The following SCN10A variants were observed in gnomAD, a reference collection of about 807,000 sequenced individuals.
SCN10A encodes the protein sodium voltage-gated channel alpha subunit 10.
Under a neutral mutation model 170.7 loss-of-function variants are expected in SCN10A, and 162 were observed. That is an observed-to-expected ratio of 0.95 (90% CI 0.84 to 1.08). The LOEUF (loss-of-function observed/expected upper bound fraction) is 1.08, where lower values mean the gene tolerates loss of function less well. Ranked by LOEUF, SCN10A falls within the 50% of genes least tolerant of loss-of-function variation. SCN10A has a pLI of 0.00. For synonymous variants in SCN10A, 985 were observed against 904.6 expected (o/e 1.09, Z -1.59); for missense variants, 2,527 against 2,436.9 (o/e 1.04, Z -0.78).
At chr3:38,769,173 C>CT (rs1277744109) in intron 5 of SCN10A, among the ~76,000 whole-genome samples, 5 of 148,370 alleles carry the variant, frequency 3.4e-5, no homozygotes, top group Admixed American at 3.4e-4. Context: ...TTAAAAATTT[C>CT]TTTAAGTTGG....
chr3:38,761,094 A>G (rs1269529801), intron 7 of SCN10A, 98 bp downstream of exon 7: 5 of 988,162 alleles, frequency 5.1e-6, no homozygotes, highest in African/African-American at 1.6e-5. Context: ...GTCAAAATAT[A>G]TGTCTATACA....
chr3:38,761,173 T>A lies in SCN10A; in HGVS notation c.883+19A>T, dbSNP rs1559450081. On this transcript the variant is annotated intron_variant, in intron 7 of 27. Transcript: ENST00000449082. Reference sequence around the variant, plus strand: ...GGGTCCAACCAGACCTTGGTCCCTATGGAAGAGACTCCACTCACGTTTTCT... The same window carrying A: ...GGGTCCAACCAGACCTTGGTCCCTAAGGAAGAGACTCCACTCACGTTTTCT... 6.3e-7 allele frequency: 1 copy of A among 1,594,280 alleles called. No homozygotes were observed. Among genetic ancestry groups the A allele is most frequent in the South Asian group, 1.1e-5 (1 of 87,048 alleles).
intron 26 of SCN10A, among the ~76,000 whole-genome samples, chr3:38,706,175 T>A (rs765030749): frequency 6.6e-6 from 1 of 152,234 alleles, no homozygotes; most frequent in Non-Finnish European, 1.5e-5. Context: ...TCAAAAGTCA[T>A]CACTTTTTTC....
At chr3:38,746,373 T>C (rs1212497249) in intron 13 of SCN10A, among the ~76,000 whole-genome samples, 1 of 151,936 alleles carries the variant, frequency 6.6e-6, no homozygotes, top group Non-Finnish European at 1.5e-5. Context: ...TCTCATATCC[T>C]TCCATTTCCC....
At chr3:38,799,206 G>A (rs184404467) in intron 1 of SCN10A, among the ~76,000 whole-genome samples, 5 of 152,242 alleles carry the variant, frequency 3.3e-5, no homozygotes, top group Non-Finnish European at 5.9e-5. Flanking sequence ...GAACAGATTA[G>A]CTATAGGGCC....
rs75498327 is a variant in SCN10A at position 38,716,891 on chromosome 3, T to C, written c.3681+1762A>G. ...GTTGATAGGATGGATGAATGGATGA[T>C]GAATGGAAGGGAAAGGGATGAATGA... On this transcript the variant is annotated intron_variant, in intron 21 of 27. Coordinates refer to ENST00000449082, the MANE Select transcript of SCN10A (RefSeq NM_006514.4). Among the ~76,000 whole-genome samples the C allele has an allele frequency of 2.3e-3, 350 of 151,824 alleles. 12 individuals carry two copies. The East Asian group carries it at 0.058, about 25-fold the overall frequency.
Position 38,714,138 on chromosome 3 carries a change from G to A in SCN10A, c.3682-58C>T, listed in dbSNP as rs1053397337. 1.9e-6 allele frequency: 3 copies of A among 1,600,542 alleles called. No individual in the cohort carries two copies. In the East Asian group the frequency reaches 6.7e-5, roughly 36 times the overall value. On this transcript the variant is annotated intron_variant, in intron 21 of 27. Coordinates refer to ENST00000449082, the MANE Select transcript of SCN10A (RefSeq NM_006514.4). ...AGGTTTCCAGAAAGGCAGTCCTCGT[G>A]GAAGGAGACAGGAACTCCCTGCCCA... is the stretch of plus-strand genomic sequence containing the variant.
intron 22 of SCN10A, 83 bp downstream of exon 22, chr3:38,713,875 G>A (rs1250021949): frequency 1.6e-5 from 25 of 1,552,722 alleles, no homozygotes; most frequent in East Asian, 9.1e-5. Flanking sequence ...TGATCCGCCC[G>A]CCTCAGCCTC....
At position 38,739,604 on chromosome 3, in the gene SCN10A, T is replaced by A; in HGVS notation, c.2191A>T (p.Ile731Phe). 6.2e-7 allele frequency: 1 copy of A among 1,614,110 alleles called. No homozygotes were observed. The change falls in exon 15 of 28, where the codon ATC becomes TTC. Residue 731 changes from isoleucine to phenylalanine, a missense_variant. By Grantham distance (21) the Ile-to-Phe change is conservative. Coordinates refer to ENST00000449082, the MANE Select transcript of SCN10A (RefSeq NM_006514.4). ...ACAGTGACGATGATGCAGTCAAAGA[T>A]ATTCCACTTCTTCTGGAAATAATAG... ...PYYYFQKKWNIFDCIIVTVSL... is the reference protein window; with the variant it reads ...PYYYFQKKWNFFDCIIVTVSL...
At chr3:38,733,663 G>A (rs901447947) in intron 15 of SCN10A, among the ~76,000 whole-genome samples, 3 of 151,954 alleles carry the variant, frequency 2.0e-5, no homozygotes, top group Non-Finnish European at 2.9e-5. Context: ...CTACAGACAC[G>A]TGCCATCATG....
chr3:38,784,660 G>C (rs937238189), intron 4 of SCN10A, among the ~76,000 whole-genome samples: 1 of 151,972 alleles, frequency 6.6e-6, no homozygotes, highest in African/African-American at 2.4e-5. Context: ...AGAAATAAGG[G>C]GTATTCAAAT....
chr3:38,781,484 G>A (rs917308088), intron 4 of SCN10A, among the ~76,000 whole-genome samples: 1 of 152,116 alleles, frequency 6.6e-6, no homozygotes, highest in Admixed American at 6.5e-5. Context: ...TACTTCAAAA[G>A]TTGAATGAAT....
chr3:38,741,641 C>T (rs2063633649), intron 14 of SCN10A, among the ~76,000 whole-genome samples: 1 of 152,108 alleles, frequency 6.6e-6, no homozygotes, highest in Admixed American at 6.5e-5. Flanking sequence ...TAGTGAAATC[C>T]AGTATGGATT....
intron 13 of SCN10A, among the ~76,000 whole-genome samples, chr3:38,746,594 C>T (rs929298936): frequency 7.2e-5 from 11 of 152,290 alleles, no homozygotes; most frequent in Non-Finnish European, 1.5e-4. Flanking sequence ...TTAATGCAGT[C>T]TAGGAGTTTC....
At position 38,714,029 on chromosome 3, in the gene SCN10A, G is replaced by C; in HGVS notation, c.3733C>G (p.Pro1245Ala). The part of the protein sequence containing the change: ...AKILEYSEVA[P>A]IKALRTLRAL... ...CGAAGGGTTCGAAGGGCTTTGATGG[G>C]AGCCACTTCAGAATATTCCAGAATC... is the stretch of plus-strand genomic sequence containing the variant. The change falls in exon 22 of 28, where the codon CCC (proline) becomes GCC (alanine). Residue 1245 changes from proline (P) to alanine (A), a missense_variant. Physicochemically the swap from Pro to Ala is conservative, Grantham distance 27 (BLOSUM62 -1). Transcript: ENST00000449082. The C allele has an allele frequency of 6.2e-7, 1 of 1,614,180 alleles. No homozygotes were observed. The highest frequency in any genetic ancestry group is 8.5e-7 in the Non-Finnish European group (1 of 1,180,034).
At chr3:38,729,270 A>G (rs1483928276) in intron 15 of SCN10A, among the ~76,000 whole-genome samples, 1 of 152,160 alleles carries the variant, frequency 6.6e-6, no homozygotes. Context: ...ATAAGTGAGA[A>G]CAAGCTTATT....
chr3:38,793,421 C>T (rs2064309838), intron 2 of SCN10A, among the ~76,000 whole-genome samples: 2 of 152,078 alleles, frequency 1.3e-5, no homozygotes, highest in Non-Finnish European at 2.9e-5. Flanking sequence ...GTCTGCTCTC[C>T]ACCTGCAAAG....
chr3:38,697,164 T>C lies in SCN10A; in HGVS notation c.*185A>G, dbSNP rs997403310. On this transcript the variant is annotated 3_prime_UTR_variant, in exon 28 of 28. Transcript: ENST00000449082. The stretch of plus-strand genomic sequence containing the variant: ...AGTGGAAGTGCTCTTAGCTTCTGAC[T>C]CCTATTTGTGTATGATGGTTTTTTC... 1.2e-6 allele frequency: 1 copy of C among 834,088 alleles called. No individual in the cohort carries two copies. Among genetic ancestry groups the C allele is most frequent in the Non-Finnish European group, 1.8e-6 (1 of 554,886 alleles). 51.7% of individuals were successfully genotyped at this position (834,088 alleles called of 1,614,324 possible).
At chr3:38,748,121 G>C (rs896200919) in intron 13 of SCN10A, among the ~76,000 whole-genome samples, 1 of 152,112 alleles carries the variant, frequency 6.6e-6, no homozygotes, top group Non-Finnish European at 1.5e-5. Context: ...AAAACAAACT[G>C]TTTGTATTCA....
Sources: gnomAD v4.1 joint callset for allele counts (sites outside exome capture counted in the v4.1 genomes callset) on GRCh38, gnomAD v4.1.1 for gene constraint, MANE v1.5 for transcripts, NCBI Gene and HGNC (gene_info 2026-07-23, HGNC 2026-07-21) for gene names.